HHAT: variants seen among roughly 807,000 people sequenced by gnomAD.
HHAT encodes the protein protein-cysteine N-palmitoyltransferase HHAT.
In HHAT, 47 loss-of-function variants were observed where a neutral mutation model predicts 70.8. That is an observed-to-expected ratio of 0.66 (90% CI 0.53 to 0.85). The LOEUF is 0.85. Among genes scored for constraint, HHAT ranks in the 40% least tolerant of loss-of-function variants. The pLI is 0.00. For missense variants in HHAT, 609 were observed against 604.8 expected (o/e 1.01, Z -0.07); for synonymous variants, 228 against 247.6 (o/e 0.92, Z 0.74).
At chr1:210,512,120 G>A (rs1033934155) in intron 8 of HHAT, among the ~76,000 whole-genome samples, 5 of 152,140 alleles carry the variant, frequency 3.3e-5, no homozygotes, top group Admixed American at 6.5e-5. Context: ...ATAGCCCAGC[G>A]CTATGGGATG....
chr1:210,535,456 G>GTGTGTGTGTGTGTGTGTGTGTGT (rs1394781594), intron 9 of HHAT, among the ~76,000 whole-genome samples: 15 of 140,112 alleles, frequency 1.1e-4, no homozygotes, highest in African/African-American at 3.8e-4. Context: ...TGTGTGTGTG[G>GTGTGTGTGTGTGTGTGTGTGTGT]GGTAAAATAA....
intron 9 of HHAT, among the ~76,000 whole-genome samples, chr1:210,572,514 T>C (rs1656563596): frequency 6.6e-6 from 1 of 152,134 alleles, no homozygotes. Flanking sequence ...CAGTGTGTAT[T>C]TAAGAAAGCC....
chr1:210,334,695 A>AT (rs545993287), intron 1 of HHAT, among the ~76,000 whole-genome samples: 231 of 144,064 alleles, frequency 1.6e-3, no homozygotes, highest in Middle Eastern at 3.4e-3. Flanking sequence ...TTTTATTTTT[A>AT]TTTTTTTTTT....
intron 7 of HHAT, among the ~76,000 whole-genome samples, chr1:210,449,291 T>TTC (rs3036621): frequency 5.9e-5 from 9 of 151,782 alleles, no homozygotes; most frequent in African/African-American, 1.9e-4. Context: ...TTTTTTTTTT[T>TTC]CTAAACAGAC....
intron 10 of HHAT, among the ~76,000 whole-genome samples, chr1:210,600,276 T>C (rs1663933258): frequency 6.6e-6 from 1 of 152,112 alleles, no homozygotes; most frequent in Admixed American, 6.6e-5. Context: ...CCTTTTTGAA[T>C]AAAAGAAAGA....
intron 11 of HHAT, among the ~76,000 whole-genome samples, chr1:210,636,129 A>G (rs1671824341): frequency 6.6e-6 from 1 of 152,066 alleles, no homozygotes; most frequent in African/African-American, 2.4e-5. Flanking sequence ...CTTTCCTTGG[A>G]TACTTGGTTA....
chr1:210,369,144 A>C (rs1321232404), intron 3 of HHAT, among the ~76,000 whole-genome samples: 1 of 152,210 alleles, frequency 6.6e-6, no homozygotes, highest in Non-Finnish European at 1.5e-5. Flanking sequence ...GTAACGTTCT[A>C]CAGAGAGACA....
intron 10 of HHAT, among the ~76,000 whole-genome samples, chr1:210,607,017 A>G (rs1665587327): frequency 2.0e-5 from 3 of 152,188 alleles, no homozygotes; most frequent in Admixed American, 1.3e-4. Flanking sequence ...TATCTGTGAA[A>G]GAACTTTTAT....
At chr1:210,462,132 A>G (rs1450649915) in intron 7 of HHAT, among the ~76,000 whole-genome samples, 1 of 152,240 alleles carries the variant, frequency 6.6e-6, no homozygotes, top group Admixed American at 6.5e-5. Flanking sequence ...AATAATGTGA[A>G]AAATAAAGCA....
At chr1:210,545,644 C>A (rs1281918129) in intron 9 of HHAT, among the ~76,000 whole-genome samples, 1 of 152,036 alleles carries the variant, frequency 6.6e-6, no homozygotes, top group Non-Finnish European at 1.5e-5. Flanking sequence ...ACCACATTGT[C>A]CAGGCTGGCC....
At chr1:210,587,532 G>A (rs1197802362) in intron 9 of HHAT, among the ~76,000 whole-genome samples, 9 of 152,204 alleles carry the variant, frequency 5.9e-5, no homozygotes, top group Admixed American at 5.9e-4. Context: ...TGCCTTGAAG[G>A]TTGCTGGCCT....
intron 7 of HHAT, chr1:210,439,857 A>AAT (rs947735676): frequency 6.6e-6 from 1 of 151,874 alleles, no homozygotes; most frequent in African/African-American, 2.4e-5. Flanking sequence ...GGCTTTTCTT[A>AAT]ATCACCTTAA....
intron 7 of HHAT, among the ~76,000 whole-genome samples, chr1:210,449,859 C>T (rs185587697): frequency 2.2e-3 from 342 of 152,250 alleles, no homozygotes; most frequent in African/African-American, 7.5e-3. Context: ...CTCGCTAATT[C>T]GCTCTCTAAA....
At chr1:210,573,954 G>A (rs1376706900) in intron 9 of HHAT, among the ~76,000 whole-genome samples, 8 of 152,176 alleles carry the variant, frequency 5.3e-5, no homozygotes, top group Admixed American at 3.9e-4. Flanking sequence ...GGAGACAAAG[G>A]AAATTCGCCA....
intron 11 of HHAT, among the ~76,000 whole-genome samples, chr1:210,646,875 G>A (rs1211385043): frequency 5.3e-5 from 8 of 152,120 alleles, no homozygotes; most frequent in African/African-American, 9.7e-5. Context: ...ATGAAGATCC[G>A]TAATTTGTTC....
intron 8 of HHAT, among the ~76,000 whole-genome samples, chr1:210,511,780 C>CTTTTT (rs201825628): frequency 1.1e-5 from 1 of 88,456 alleles, no homozygotes; most frequent in Non-Finnish European, 2.3e-5. Flanking sequence ...GCCGCCTGGT[C>CTTTTT]TTTTTTTTTT....
intron 3 of HHAT, among the ~76,000 whole-genome samples, chr1:210,365,962 C>T (rs1387069747): frequency 6.6e-6 from 1 of 151,616 alleles, no homozygotes; most frequent in African/African-American, 2.4e-5. Context: ...TGTGATCCTG[C>T]TCTGTCACCC....
chr1:210,362,547 A>G (rs1558355404), intron 2 of HHAT, among the ~76,000 whole-genome samples: 1 of 152,204 alleles, frequency 6.6e-6, no homozygotes, highest in Non-Finnish European at 1.5e-5. Context: ...CAGCGTGTGC[A>G]CATGGGCCAT....
chr1:210,471,151 C>T (rs1260367074), intron 8 of HHAT, among the ~76,000 whole-genome samples: 1 of 152,136 alleles, frequency 6.6e-6, no homozygotes, highest in Non-Finnish European at 1.5e-5. Context: ...TTAGGTCTGG[C>T]AGCTGAGCGG....
Sources: allele counts gnomAD v4.1 joint callset (sites outside exome capture counted in the v4.1 genomes callset), GRCh38; gene constraint gnomAD v4.1.1; transcripts MANE v1.5; gene names NCBI Gene and HGNC (gene_info 2026-07-23, HGNC 2026-07-21).